The following ZCCHC4 variants were observed in gnomAD, a reference collection of about 807,000 sequenced individuals.
ZCCHC4 encodes the protein rRNA N(6)-adenosine-methyltransferase ZCCHC4.
In ZCCHC4, 54 loss-of-function variants were observed where a neutral mutation model predicts 67.7. That is an observed-to-expected ratio of 0.80 (90% CI 0.64 to 1.00). The LOEUF is 1.00. ZCCHC4 is among the 50% of genes least tolerant of loss of function. The pLI, the probability that ZCCHC4 is intolerant of heterozygous loss-of-function variation, is 0.00. For missense variants in ZCCHC4, 609 were observed against 617.0 expected (o/e 0.99, Z 0.14); for synonymous variants, 198 against 213.5 (o/e 0.93, Z 0.63).
Position 25,312,820 on chromosome 4 carries a change from C to T in ZCCHC4, c.11C>T (p.Ser4Phe), listed in dbSNP as rs754158578. MAASRNGFEAVEAE... is the reference protein window; with the variant it reads MAAFRNGFEAVEAE... ...GACGGCGGCGGGAAGATGGCGGCCT[C>T]CAGGAATGGGTTTGAAGCCGTGGAG... Residue 4 changes from serine to phenylalanine, a missense_variant, in exon 1 of 13, where the codon TCC becomes TTC. Physicochemically the swap from Ser to Phe is radical, Grantham distance 155 (BLOSUM62 -2). Coordinates refer to ENST00000302874, the MANE Select transcript of ZCCHC4 (RefSeq NM_024936.3). The T allele has an allele frequency of 1.9e-6, 3 of 1,613,272 alleles. No homozygotes were observed. Among genetic ancestry groups the T allele is most frequent in the South Asian group, 2.2e-5 (2 of 91,024 alleles).
At chr4:25,349,102 T>G (rs2109081083) in intron 6 of ZCCHC4, among the ~76,000 whole-genome samples, 1 of 152,346 alleles carries the variant, frequency 6.6e-6, no homozygotes, top group South Asian at 2.1e-4. Flanking sequence ...CAATGTTTTC[T>G]TCGTCTTTGT....
intron 3 of ZCCHC4, among the ~76,000 whole-genome samples, chr4:25,320,248 T>C (rs571302350): frequency 6.6e-6 from 1 of 152,320 alleles, no homozygotes; most frequent in African/African-American, 2.4e-5. Flanking sequence ...TGTTATATAG[T>C]ATGTTTGCAC....
At chr4:25,322,873 T>TA (rs1270261606) in intron 3 of ZCCHC4, among the ~76,000 whole-genome samples, 1 of 152,156 alleles carries the variant, frequency 6.6e-6, no homozygotes, top group Non-Finnish European at 1.5e-5. Context: ...TATCTCAGTT[T>TA]AAAAAATCTA....
At chr4:25,315,715 T>G (rs1405655953) in intron 3 of ZCCHC4, among the ~76,000 whole-genome samples, 40 of 36,966 alleles carry the variant, frequency 1.1e-3, no homozygotes, top group African/African-American at 1.4e-3. Flanking sequence ...TTTGTGTGTT[T>G]TTTTTTTTTT....
chr4:25,351,807 A>AT, intron 8 of ZCCHC4, 118 bp downstream of exon 8: 1 of 1,024,232 alleles, frequency 9.8e-7, no homozygotes, highest in Non-Finnish European at 1.4e-6. Flanking sequence ...CACTAATATT[A>AT]TACCATATAT....
chr4:25,364,920 A>T (rs1192271925), intron 11 of ZCCHC4, 102 bp from the exon 12 acceptor site: 2 of 1,501,834 alleles, frequency 1.3e-6, no homozygotes, highest in Admixed American at 2.0e-5. Context: ...ACTGGCCACA[A>T]TACTTCAAGT....
In ZCCHC4 at chr4:25,334,844, T is replaced by C. The variant is rs549107454; in HGVS notation, c.686+856T>C. ...CTAAAAACAAAGAAGACAGATTTTT[T>C]TTTTTTCCTCTTAGACAGGGTCTCG... On this transcript the variant is annotated intron_variant, in intron 5 of 12. Transcript: ENST00000302874. Among the ~76,000 whole-genome samples, 11 of 152,248 alleles carry C rather than the reference T, an allele frequency of 7.2e-5. No individual in the cohort carries two copies. In the South Asian group the frequency reaches 2.1e-3, roughly 29 times the overall value.
intron 7 of ZCCHC4, among the ~76,000 whole-genome samples, chr4:25,349,863 T>C (rs1720206078): frequency 6.6e-6 from 1 of 152,158 alleles, no homozygotes; most frequent in Admixed American, 6.6e-5. Flanking sequence ...GGTAAAATAC[T>C]ATGTTTTTGA....
At chr4:25,362,134 C>T (rs529127958) in intron 9 of ZCCHC4, 92 bp from the exon 10 acceptor site, 2 of 1,452,838 alleles carry the variant, frequency 1.4e-6, no homozygotes, top group African/African-American at 1.4e-5. Context: ...TCAGATTGCA[C>T]CCAGTTTTTG....
At chr4:25,364,926 C>T in intron 11 of ZCCHC4, 96 bp from the exon 12 acceptor site, 4 of 1,519,334 alleles carry the variant, frequency 2.6e-6, no homozygotes, top group South Asian at 2.6e-5. Flanking sequence ...CACAATACTT[C>T]AAGTAAACAC....
At chr4:25,361,607 G>A (rs1039426127) in intron 8 of ZCCHC4, 7 of 415,762 alleles carry the variant, frequency 1.7e-5, no homozygotes, top group South Asian at 3.7e-5. Flanking sequence ...CACAGCTTGC[G>A]CCCAGTCTCG....
intron 6 of ZCCHC4, 27 bp downstream of exon 6, chr4:25,345,647 G>T (rs1484681779): frequency 6.9e-7 from 1 of 1,439,684 alleles, no homozygotes; most frequent in African/African-American, 1.4e-5. Flanking sequence ...TTATCTCATT[G>T]TTCTCTTATT....
In ZCCHC4 at chr4:25,369,523, T is replaced by TC; in HGVS notation, c.*362dup. On this transcript the variant is annotated 3_prime_UTR_variant, in exon 13 of 13. Transcript: ENST00000302874. ...ACCTCAGCTCACTGCAACCTCTGCC[T>TC]CCCGGGTTCAAGCAATTCTCCTGCC... 1 of 187,502 alleles carries TC rather than the reference T, an allele frequency of 5.3e-6. No individual in the cohort carries two copies. Among genetic ancestry groups the TC allele is most frequent in the South Asian group, 1.1e-4 (1 of 8,914 alleles). The allele number at this position is 187,502 out of a possible 1,614,324, so 11.6% of individuals were successfully genotyped here. A position where few individuals can be genotyped will look rare whatever the true frequency, so the allele number is the denominator to read the frequency against.
At chr4:25,336,875 A>AT (rs1216214368) in intron 5 of ZCCHC4, among the ~76,000 whole-genome samples, 6 of 152,256 alleles carry the variant, frequency 3.9e-5, no homozygotes, top group Admixed American at 3.9e-4. Context: ...TGCTATCATC[A>AT]TCCTCATTTT....
At position 25,315,401 on chromosome 4, in the gene ZCCHC4, G is replaced by A. The variant is rs1183392420; in HGVS notation, c.329+1G>A. The A allele has an allele frequency of 1.3e-6, 2 of 1,590,960 alleles. No individual in the cohort carries two copies. Among genetic ancestry groups the A allele is most frequent in the Non-Finnish European group, 1.7e-6 (2 of 1,169,674 alleles). ...TGTCCCGAACGCAGTGTGTGGAAAG[G>A]TACTGATGCAGTGTCATTTTTCTTT... On this transcript the variant is annotated splice_donor_variant, in intron 3 of 12. Transcript: ENST00000302874. LOFTEE classifies it high-confidence loss of function.
At chr4:25,361,518 T>C (rs1454192021) in intron 8 of ZCCHC4, among the ~76,000 whole-genome samples, 1 of 152,246 alleles carries the variant, frequency 6.6e-6, no homozygotes, top group African/African-American at 2.4e-5. Context: ...GTGCTTGGCC[T>C]GGAGCCATTG....
Position 25,337,491 on chromosome 4 carries a change from C to G in ZCCHC4, c.686+3503C>G, listed in dbSNP as rs183249797. ...TTTCCTGAGAACTCCAGCAGCAAAA[C>G]TCCAGAGAGTGTTCTGATTAGCCTG... On this transcript the variant is annotated intron_variant, in intron 5 of 12. Coordinates refer to ENST00000302874, the MANE Select transcript of ZCCHC4 (RefSeq NM_024936.3). Among the ~76,000 whole-genome samples, 16 of 152,310 alleles carry G rather than the reference C, an allele frequency of 1.1e-4. No homozygotes were observed. The East Asian group carries it at 3.1e-3, about 29-fold the overall frequency.
intron 6 of ZCCHC4, among the ~76,000 whole-genome samples, chr4:25,348,365 A>G (rs1720124610): frequency 6.6e-6 from 1 of 152,166 alleles, no homozygotes; most frequent in Non-Finnish European, 1.5e-5. Context: ...AATGCCATTC[A>G]ATTTTAAAAT....
intron 3 of ZCCHC4, among the ~76,000 whole-genome samples, chr4:25,327,113 T>C (rs536827569): frequency 2.0e-5 from 3 of 152,242 alleles, no homozygotes; most frequent in African/African-American, 7.2e-5. Context: ...ATTTTGTACA[T>C]GTGTGATCAT....
Sources: allele counts gnomAD v4.1 joint callset (sites outside exome capture counted in the v4.1 genomes callset), GRCh38; gene constraint gnomAD v4.1.1; transcripts MANE v1.5; gene names NCBI Gene and HGNC (gene_info 2026-07-23, HGNC 2026-07-21).